The following ZBBX variants were observed in gnomAD, a reference collection of about 807,000 sequenced individuals.
ZBBX encodes zinc finger B-box domain-containing protein 1.
Under a neutral mutation model 108.5 loss-of-function variants are expected in ZBBX, and 101 were observed. The ratio of observed to expected loss-of-function variants is 0.93; its 90% CI spans 0.79 to 1.10. The LOEUF (loss-of-function observed/expected upper bound fraction) is 1.10. Among genes scored for constraint, ZBBX ranks in the 50% least tolerant of loss-of-function variants. The probability of loss-of-function intolerance (pLI) is 0.00; values close to 1 mark genes in which losing one functional copy is unlikely to be tolerated. For missense variants in ZBBX, 1,009 were observed against 941.4 expected (o/e 1.07, Z -0.94); for synonymous variants, 356 against 323.4 (o/e 1.10, Z -1.08).
intron 8 of ZBBX, among the ~76,000 whole-genome samples, chr3:167,354,392 A>G (rs1452650166): frequency 6.6e-6 from 1 of 151,946 alleles, no homozygotes; most frequent in East Asian, 1.9e-4. Flanking sequence ...AATAAAATTC[A>G]GTATTTAAAA....
chr3:167,349,707 A>T (rs1281286858), intron 9 of ZBBX, among the ~76,000 whole-genome samples: 1 of 152,036 alleles, frequency 6.6e-6, no homozygotes, highest in Non-Finnish European at 1.5e-5. Context: ...ATTCATCTCT[A>T]TAAGGTCACA....
At chr3:167,282,124 A>G in intron 20 of ZBBX, 114 bp downstream of exon 20, 1 of 1,173,020 alleles carries the variant, frequency 8.5e-7, no homozygotes, top group Non-Finnish European at 1.2e-6. Context: ...GTTAAAGAAG[A>G]AAAAGGAAAG....
At chr3:167,218,695 G>A in the ZBBX span, among the ~76,000 whole-genome samples, 1 of 151,906 alleles carries the variant, frequency 6.6e-6, no homozygotes, top group Non-Finnish European at 1.5e-5. Flanking sequence ...CTAAAAAAAA[G>A]AGAGTGAGAG....
intron 20 of ZBBX, among the ~76,000 whole-genome samples, chr3:167,250,893 T>C (rs553287547): frequency 1.3e-5 from 2 of 152,154 alleles, no homozygotes; most frequent in African/African-American, 2.4e-5. Flanking sequence ...TGGCCCACCA[T>C]GCTCTCATTC....
intron 18 of ZBBX, among the ~76,000 whole-genome samples, chr3:167,293,415 A>C (rs1442576345): frequency 6.6e-6 from 1 of 152,260 alleles, no homozygotes; most frequent in East Asian, 1.9e-4. Context: ...AATGTAATCC[A>C]TCACATAAAC....
intron 8 of ZBBX, among the ~76,000 whole-genome samples, chr3:167,351,052 TG>T (rs1429073776): frequency 2.0e-5 from 3 of 151,840 alleles, no homozygotes; most frequent in Admixed American, 2.0e-4. Flanking sequence ...TCTCAAAGTA[TG>T]GCTTTAAAAT....
intron 9 of ZBBX, among the ~76,000 whole-genome samples, chr3:167,343,826 T>C (rs1157234400): frequency 4.0e-5 from 6 of 151,740 alleles, no homozygotes; most frequent in Non-Finnish European, 8.8e-5. Flanking sequence ...CTCAAACAAT[T>C]AAAAATGGAG....
Position 167,333,983 on chromosome 3 carries a change from T to G in ZBBX, c.531A>C (p.Ala177=). The G allele has an allele frequency of 6.6e-7, 1 of 1,523,624 alleles. No homozygotes were observed. The highest frequency in any genetic ancestry group is 1.4e-5 in the South Asian group (1 of 73,912). 94.4% of individuals were successfully genotyped at this position (1,523,624 alleles called of 1,614,324 possible). A position where few individuals can be genotyped will look rare whatever the true frequency, so the allele number is the denominator to read the frequency against. The change falls in exon 10 of 22, where the codon GCA becomes GCC. Residue 177 remains alanine, a splice_region_variant and synonymous_variant. Coordinates refer to ENST00000675490, the MANE Select transcript of ZBBX (RefSeq NM_001199201.2). ...LKLHRTTLLQ[A]KSQILFNVLD... ...ATACATTGAATAATATTTGAGATTT[T>G]GCCTATTAAAAAAGTAACAATATAA...
At chr3:167,181,481 A>G in the ZBBX span, among the ~76,000 whole-genome samples, 1 of 152,236 alleles carries the variant, frequency 6.6e-6, no homozygotes, top group African/African-American at 2.4e-5. Flanking sequence ...GCGGAAGGCC[A>G]ATGATGTAGA....
intron 18 of ZBBX, among the ~76,000 whole-genome samples, chr3:167,292,750 A>G (rs1279804789): frequency 6.6e-6 from 1 of 152,192 alleles, no homozygotes; most frequent in Non-Finnish European, 1.5e-5. Flanking sequence ...CAAAAAACCA[A>G]TGAATCCAGG....
intron 15 of ZBBX, among the ~76,000 whole-genome samples, chr3:167,314,889 C>T (rs1422981096): frequency 1.3e-5 from 2 of 152,270 alleles, no homozygotes; most frequent in South Asian, 2.1e-4. Context: ...AACAGAAATG[C>T]TATTCATTTC....
the ZBBX span, among the ~76,000 whole-genome samples, chr3:167,233,927 T>G: frequency 6.6e-6 from 1 of 151,732 alleles, no homozygotes; most frequent in African/African-American, 2.4e-5. Context: ...GCCACAGATC[T>G]CAAACTGTTA....
chr3:167,221,297 T>C, the ZBBX span, among the ~76,000 whole-genome samples: 4 of 151,660 alleles, frequency 2.6e-5, no homozygotes, highest in Admixed American at 1.3e-4. Flanking sequence ...AAAAACAGCA[T>C]GGTAATGGCA....
chr3:167,357,323 G>C lies in ZBBX; in HGVS notation c.432+2547C>G, dbSNP rs1210942699. On this transcript the variant is annotated intron_variant, in intron 8 of 21. Coordinates refer to ENST00000675490, the MANE Select transcript of ZBBX (RefSeq NM_001199201.2). Reference sequence around the variant, plus strand: ...GAATGAAGAAAGTCATAGATAAGGGGAGGGATACTGTACTATAAAATATTC... The same window carrying C: ...GAATGAAGAAAGTCATAGATAAGGGCAGGGATACTGTACTATAAAATATTC... Among the ~76,000 whole-genome samples, 3 of 152,130 alleles carry C rather than the reference G, an allele frequency of 2.0e-5. No individual in the cohort carries two copies. In the East Asian group the frequency reaches 5.8e-4, roughly 29 times the overall value.
rs149718688 is a variant in ZBBX at position 167,248,154 on chromosome 3, C to T, written c.2255-5511G>A. Among the ~76,000 whole-genome samples, 900 of 152,302 alleles carry T rather than the reference C, an allele frequency of 5.9e-3. 4 individuals carry two copies. Among genetic ancestry groups the T allele is most frequent in the Non-Finnish European group, 9.2e-3 (629 of 68,024 alleles). On this transcript the variant is annotated intron_variant, in intron 20 of 21. Coordinates refer to ENST00000675490, the MANE Select transcript of ZBBX (RefSeq NM_001199201.2). ...CACAGCTCAGGGCACCTCTTCTTAC[C>T]CTTTCCCCTCCCAGCTTGGGTCCCT...
downstream of ZBBX, among the ~76,000 whole-genome samples, chr3:167,238,917 T>C (rs1329639945): frequency 6.6e-6 from 1 of 152,160 alleles, no homozygotes; most frequent in Non-Finnish European, 1.5e-5. Context: ...ACTGGCTGTA[T>C]TGGGTTCTCC....
At chr3:167,402,672 C>G (rs1207180373) in intron 1 of ZBBX, among the ~76,000 whole-genome samples, 1 of 151,764 alleles carries the variant, frequency 6.6e-6, no homozygotes, top group African/African-American at 2.4e-5. Context: ...AAAGATCTAT[C>G]TTCAATAGGA....
rs1317664956 is a variant in ZBBX, at chr3:167,242,546, C to G, written c.2352G>C (p.Lys784Asn). ...NISQISTDFL[K>N]TSHVRGPCGV... ...CACAGGGACCCCTCACATGTGAGGT[C>G]TTAAGGAAATCTGTGGAAATCTGAC... The change falls in exon 21 of 22, where the codon AAG (lysine) becomes AAC (asparagine). Residue 784 changes from lysine (K) to asparagine (N), a missense_variant. Physicochemically the swap from Lys to Asn is moderately conservative, Grantham distance 94. Coordinates refer to ENST00000675490, the MANE Select transcript of ZBBX (RefSeq NM_001199201.2). 2 of 1,613,458 alleles carry G rather than the reference C, an allele frequency of 1.2e-6. No homozygotes were observed. The highest frequency in any genetic ancestry group is 3.3e-5 in the Admixed American group (2 of 59,974).
intron 20 of ZBBX, among the ~76,000 whole-genome samples, chr3:167,279,139 A>G (rs908145982): frequency 3.9e-5 from 6 of 151,966 alleles, no homozygotes; most frequent in African/African-American, 1.4e-4. Context: ...CCCACAGCCA[A>G]TATCATACTG....
Sources: gnomAD v4.1 joint callset for allele counts (sites outside exome capture counted in the v4.1 genomes callset) on GRCh38, gnomAD v4.1.1 for gene constraint, MANE v1.5 for transcripts, NCBI Gene and HGNC (gene_info 2026-07-23, HGNC 2026-07-21) for gene names.